THSD7B: variants seen among roughly 807,000 people sequenced by gnomAD.
The protein encoded by THSD7B is thrombospondin type 1 domain containing 7B.
THSD7B carries 138 observed loss-of-function variants against 213.6 expected under a neutral mutation model. That is an observed-to-expected ratio of 0.65 (90% confidence interval 0.56 to 0.74). The LOEUF (loss-of-function observed/expected upper bound fraction) is 0.74, where lower values mean the gene tolerates loss of function less well. Among genes scored for constraint, THSD7B ranks in the 30% least tolerant of loss-of-function variants. THSD7B has a pLI of 0.00. For missense variants in THSD7B, 1,931 were observed against 1,991.5 expected (o/e 0.97, Z 0.58); for synonymous variants, 742 against 687.0 (o/e 1.08, Z -1.25).
At chr2:137,330,290 G>T (rs907630477) in intron 12 of THSD7B, among the ~76,000 whole-genome samples, 1 of 152,142 alleles carries the variant, frequency 6.6e-6, no homozygotes, top group Non-Finnish European at 1.5e-5. Context: ...AAGTGCAGCT[G>T]TGAGAAGAGG....
At chr2:137,164,771 A>G (rs1386386115) in intron 6 of THSD7B, among the ~76,000 whole-genome samples, 4 of 152,232 alleles carry the variant, frequency 2.6e-5, no homozygotes, top group African/African-American at 9.6e-5. Context: ...TCAGCAAACT[A>G]TCGCAAGGAC....
At chr2:137,536,811 T>C (rs1370389322) in intron 15 of THSD7B, among the ~76,000 whole-genome samples, 1 of 151,718 alleles carries the variant, frequency 6.6e-6, no homozygotes, top group Non-Finnish European at 1.5e-5. Context: ...GACAAAGAGG[T>C]GCTTTTGATT....
At chr2:137,060,543 A>G (rs1371755394) in intron 3 of THSD7B, among the ~76,000 whole-genome samples, 1 of 151,848 alleles carries the variant, frequency 6.6e-6, no homozygotes, top group Non-Finnish European at 1.5e-5. Flanking sequence ...TGAAAGGTAT[A>G]GGGTCTATGT....
chr2:136,907,595 T>A (rs2105019520), intron 2 of THSD7B, among the ~76,000 whole-genome samples: 1 of 152,332 alleles, frequency 6.6e-6, no homozygotes, highest in East Asian at 1.9e-4. Context: ...GCCTAAGCAA[T>A]TAAACTGTTA....
intron 2 of THSD7B, among the ~76,000 whole-genome samples, chr2:136,978,876 G>T (rs746434392): frequency 9.3e-5 from 14 of 151,012 alleles, no homozygotes; most frequent in Admixed American, 2.0e-4. Flanking sequence ...CTGCTTTATA[G>T]TGTCAATGGT....
Position 137,359,603 on chromosome 2 carries a change from A to G in THSD7B, c.2501-46010A>G, listed in dbSNP as rs148649831. On this transcript the variant is annotated intron_variant, in intron 12 of 27. Transcript: ENST00000409968. Reference sequence around the variant, plus strand: ...GCTACAGACAGGTCCCTGGCTTTTTATCTGGTCTGGATTTAACCCTGACCC... The same window carrying G: ...GCTACAGACAGGTCCCTGGCTTTTTGTCTGGTCTGGATTTAACCCTGACCC... 3.9e-5 allele frequency among the ~76,000 whole-genome samples: 6 copies of G among 152,224 alleles called. No homozygotes were observed. In the East Asian group the frequency reaches 9.7e-4, roughly 25 times the overall value.
At chr2:137,248,815 G>A (rs917556780) in intron 10 of THSD7B, among the ~76,000 whole-genome samples, 1 of 152,194 alleles carries the variant, frequency 6.6e-6, no homozygotes, top group Admixed American at 6.5e-5. Context: ...TCTTCCTTGA[G>A]ATTGACGTTA....
At position 137,295,542 on chromosome 2, in the gene THSD7B, C is replaced by A. The variant is rs563324568; in HGVS notation, c.2500+19516C>A. 1.1e-3 allele frequency among the ~76,000 whole-genome samples: 173 copies of A among 151,364 alleles called. 1 individual carries two copies. Among genetic ancestry groups the A allele is most frequent in the African/African-American group, 4.0e-3 (163 of 41,196 alleles). On this transcript the variant is annotated intron_variant, in intron 12 of 27. Coordinates refer to ENST00000409968, the MANE Select transcript of THSD7B (RefSeq NM_001316349.2). ...CCAGGCTAGAGGGCAGTGGTGTGATCTCGGCTTACTGCAACCTCCTACTCC... is the reference window on the plus strand; with the variant it reads ...CCAGGCTAGAGGGCAGTGGTGTGATATCGGCTTACTGCAACCTCCTACTCC...
At chr2:137,293,578 G>A (rs1191127808) in intron 12 of THSD7B, among the ~76,000 whole-genome samples, 1 of 150,530 alleles carries the variant, frequency 6.6e-6, no homozygotes, top group Non-Finnish European at 1.5e-5. Flanking sequence ...TCTCTTCATT[G>A]CAATTTTAAA....
chr2:137,550,892 C>T (rs1377662111), intron 15 of THSD7B, among the ~76,000 whole-genome samples: 1 of 151,984 alleles, frequency 6.6e-6, no homozygotes, highest in Non-Finnish European at 1.5e-5. Context: ...CAGTTCTATG[C>T]TTAGTACCTG....
At chr2:137,383,435 T>C (rs1209975466) in intron 12 of THSD7B, among the ~76,000 whole-genome samples, 1 of 152,100 alleles carries the variant, frequency 6.6e-6, no homozygotes, top group Non-Finnish European at 1.5e-5. Flanking sequence ...GGCCTATGCA[T>C]CAGACCTGTG....
intron 5 of THSD7B, among the ~76,000 whole-genome samples, chr2:137,123,450 T>A (rs1688578224): frequency 6.6e-6 from 1 of 152,160 alleles, no homozygotes; most frequent in African/African-American, 2.4e-5. Context: ...TCTTTGTGGT[T>A]TGATGATAAA....
intron 14 of THSD7B, among the ~76,000 whole-genome samples, chr2:137,444,799 A>C (rs1234745494): frequency 1.3e-5 from 2 of 152,088 alleles, no homozygotes; most frequent in East Asian, 3.9e-4. Flanking sequence ...GTTTCTGCAC[A>C]GTAAAGGAAA....
intron 2 of THSD7B, among the ~76,000 whole-genome samples, chr2:137,013,358 G>A (rs1686272962): frequency 6.6e-6 from 1 of 152,170 alleles, no homozygotes; most frequent in Non-Finnish European, 1.5e-5. Flanking sequence ...CCAAGTCACA[G>A]CACAAAGAAA....
chr2:137,519,785 C>T (rs913958390), intron 15 of THSD7B, among the ~76,000 whole-genome samples: 6 of 152,194 alleles, frequency 3.9e-5, no homozygotes, highest in African/African-American at 9.7e-5. Context: ...TATTTTTATA[C>T]ATGTAAACTT....
chr2:137,673,496 TAGTG>T (rs1683625537), intron 27 of THSD7B, among the ~76,000 whole-genome samples: 2 of 152,126 alleles, frequency 1.3e-5, no homozygotes, highest in Admixed American at 6.5e-5. Flanking sequence ...GGTCCTGATT[TAGTG>T]AGTGAGGGAG....
At chr2:136,916,435 T>G (rs893540280) in intron 2 of THSD7B, among the ~76,000 whole-genome samples, 1 of 152,194 alleles carries the variant, frequency 6.6e-6, no homozygotes, top group Non-Finnish European at 1.5e-5. Context: ...ACTCATTTCC[T>G]TCCACCAGCA....
At chr2:137,282,797 G>T (rs1168136526) in intron 12 of THSD7B, among the ~76,000 whole-genome samples, 1 of 152,110 alleles carries the variant, frequency 6.6e-6, no homozygotes, top group African/African-American at 2.4e-5. Context: ...ATGCTGTTTT[G>T]GTTACTGTAG....
At chr2:137,461,418 T>A (rs1687882688) in intron 15 of THSD7B, among the ~76,000 whole-genome samples, 1 of 152,070 alleles carries the variant, frequency 6.6e-6, no homozygotes, top group Non-Finnish European at 1.5e-5. Flanking sequence ...TAAACGTTTA[T>A]CTCAACACTT....
Sources: gnomAD v4.1 joint callset for allele counts (sites outside exome capture counted in the v4.1 genomes callset) on GRCh38, gnomAD v4.1.1 for gene constraint, MANE v1.5 for transcripts, NCBI Gene and HGNC (gene_info 2026-07-23, HGNC 2026-07-21) for gene names.